The following ERBB4 variants were observed in gnomAD, a reference collection of about 807,000 sequenced individuals.
The protein encoded by ERBB4 is erb-b2 receptor tyrosine kinase 4.
Under a neutral mutation model 158.0 loss-of-function variants are expected in ERBB4, and 42 were observed. The observed-to-expected ratio is 0.27, with a 90% CI of 0.21 to 0.34. ERBB4 has a LOEUF of 0.34. ERBB4 is among the 10% of genes least tolerant of loss of function. ERBB4 has a pLI of 1.00. For synonymous variants in ERBB4, 583 were observed against 558.7 expected (o/e 1.04, Z -0.61); for missense variants, 1,333 against 1,624.1 (o/e 0.82, Z 3.08).
chr2:212,057,032 C>T (rs2077598890), intron 2 of ERBB4, among the ~76,000 whole-genome samples: 1 of 152,072 alleles, frequency 6.6e-6, no homozygotes, highest in African/African-American at 2.4e-5. Flanking sequence ...TTCAGGAGAC[C>T]CATCTCACGT....
At chr2:211,397,047 A>C (rs1434070189) in intron 25 of ERBB4, among the ~76,000 whole-genome samples, 1 of 152,216 alleles carries the variant, frequency 6.6e-6, no homozygotes, top group Non-Finnish European at 1.5e-5. Context: ...CAGAGCAAAC[A>C]CTAGTTACAT....
At chr2:212,347,124 CA>C (rs2089041892) in intron 1 of ERBB4, among the ~76,000 whole-genome samples, 1 of 152,032 alleles carries the variant, frequency 6.6e-6, no homozygotes, top group Non-Finnish European at 1.5e-5. Flanking sequence ...GCAATCTTTC[CA>C]AAACACTTGA....
intron 1 of ERBB4, among the ~76,000 whole-genome samples, chr2:212,331,372 C>T (rs1487796418): frequency 6.6e-6 from 1 of 151,456 alleles, no homozygotes; most frequent in East Asian, 2.0e-4. Flanking sequence ...TGAGGGGAAT[C>T]TCGCAATGTT....
chr2:211,860,046 C>T lies in ERBB4; in HGVS notation c.422-71887G>A, dbSNP rs74663654. Among the ~76,000 whole-genome samples the T allele has an allele frequency of 1.2e-3, 181 of 152,184 alleles. 3 individuals carry two copies. The highest frequency in any genetic ancestry group is 0.011 in the East Asian group (59 of 5,184). ...AAAAACATAAATGGTGGTTATTATA[C>T]GCCAAAACATCTCTTGTCATTCATT... On this transcript the variant is annotated intron_variant, in intron 3 of 27. Transcript: ENST00000342788.
chr2:212,417,904 T>C (rs377504518), intron 1 of ERBB4, among the ~76,000 whole-genome samples: 1 of 151,998 alleles, frequency 6.6e-6, no homozygotes, highest in Admixed American at 6.6e-5. Flanking sequence ...TATTAAGAGA[T>C]GGGGCCTTTT....
chr2:211,439,503 G>A lies in ERBB4; in HGVS notation c.2488-8403C>T, dbSNP rs538865260. ...GTTTTGTGAGTTTCATATATGGCTT[G>A]TAATCTACTGAGTATATTTTTATGT... is the stretch of plus-strand genomic sequence containing the variant. On this transcript the variant is annotated intron_variant, in intron 20 of 27. Transcript: ENST00000342788. Among the ~76,000 whole-genome samples the A allele has an allele frequency of 5.3e-5, 8 of 152,272 alleles. No homozygotes were observed. In the East Asian group the frequency reaches 1.5e-3, roughly 29 times the overall value.
In ERBB4 at chr2:212,286,318, G is replaced by T. The variant is rs2085960334; in HGVS notation, c.83-161415C>A. The stretch of plus-strand genomic sequence containing the variant: ...AAGTGGGCCTACAAGAAACCTTAGT[G>T]ATTCATAATAAGTATATTGAACGAA... On this transcript the variant is annotated intron_variant, in intron 1 of 27. Coordinates refer to ENST00000342788, the MANE Select transcript of ERBB4 (RefSeq NM_005235.3). 2.0e-5 allele frequency among the ~76,000 whole-genome samples: 3 copies of T among 152,070 alleles called. No homozygotes were observed. The South Asian group carries it at 6.2e-4, about 31-fold the overall frequency.
At chr2:211,583,854 G>C (rs1159633809) in intron 19 of ERBB4, among the ~76,000 whole-genome samples, 1 of 150,886 alleles carries the variant, frequency 6.6e-6, no homozygotes, top group Non-Finnish European at 1.5e-5. Context: ...ATTCTTCAAC[G>C]TTCCCCGGAA....
intron 25 of ERBB4, among the ~76,000 whole-genome samples, chr2:211,405,888 A>G (rs540065431): frequency 6.6e-5 from 10 of 152,210 alleles, no homozygotes; most frequent in African/African-American, 2.2e-4. Flanking sequence ...GTTTTCATGT[A>G]TTAATAGTAA....
chr2:211,661,563 C>T (rs2071421775), intron 15 of ERBB4, among the ~76,000 whole-genome samples: 1 of 151,976 alleles, frequency 6.6e-6, no homozygotes, highest in South Asian at 2.1e-4. Context: ...CTCATTTAAC[C>T]AACATAGTTT....
At chr2:211,849,342 C>A (rs1337117627) in intron 3 of ERBB4, among the ~76,000 whole-genome samples, 1 of 151,840 alleles carries the variant, frequency 6.6e-6, no homozygotes, top group Non-Finnish European at 1.5e-5. Flanking sequence ...TTATAAAGTA[C>A]TACAGATTAA....
intron 25 of ERBB4, among the ~76,000 whole-genome samples, chr2:211,404,307 A>G (rs1344514959): frequency 6.6e-6 from 1 of 151,944 alleles, no homozygotes; most frequent in Admixed American, 6.6e-5. Flanking sequence ...GCCTTTGGTG[A>G]TCCTTAGATT....
At chr2:212,196,817 G>C (rs1233810674) in intron 1 of ERBB4, among the ~76,000 whole-genome samples, 2 of 152,092 alleles carry the variant, frequency 1.3e-5, no homozygotes, top group Non-Finnish European at 2.9e-5. Context: ...TGTTGAATAA[G>C]TATGAAGTAT....
At position 211,380,657 on chromosome 2, in the gene ERBB4, ACACT is replaced by A. The variant is rs1051782720; in HGVS notation, c.*2954_*2957del. 3 of 232,082 alleles carry A rather than the reference ACACT, an allele frequency of 1.3e-5. No individual in the cohort carries two copies. Among genetic ancestry groups the A allele is most frequent in the Admixed American group, 5.6e-5 (1 of 17,742 alleles). The allele number at this position is 232,082 out of a possible 1,614,324, so 14.4% of individuals were successfully genotyped here. ...AGGGGGGACAAAAATAAAACAAAAA[ACACT>A]CAAACAACTGAAGTCAATTATATAC... On this transcript the variant is annotated 3_prime_UTR_variant, in exon 28 of 28. Transcript: ENST00000342788.
intron 3 of ERBB4, among the ~76,000 whole-genome samples, chr2:211,908,044 A>G (rs1051670509): frequency 3.6e-5 from 4 of 112,650 alleles, no homozygotes; most frequent in Non-Finnish European, 7.6e-5. Context: ...GGAGCACTGG[A>G]AAAAAAAACA....
intron 2 of ERBB4, among the ~76,000 whole-genome samples, chr2:211,991,397 C>A (rs2082072188): frequency 6.6e-6 from 1 of 151,830 alleles, no homozygotes; most frequent in Non-Finnish European, 1.5e-5. Flanking sequence ...GATGAGGGAC[C>A]TACAAAACAA....
chr2:211,389,495 G>A (rs2062757263), intron 25 of ERBB4, among the ~76,000 whole-genome samples: 1 of 152,052 alleles, frequency 6.6e-6, no homozygotes, highest in Admixed American at 6.5e-5. Flanking sequence ...ACTAATCAAG[G>A]GACATGGTCT....
At chr2:212,380,468 G>GTGTA (rs2090467241) in intron 1 of ERBB4, among the ~76,000 whole-genome samples, 1 of 150,192 alleles carries the variant, frequency 6.7e-6, no homozygotes, top group African/African-American at 2.4e-5. Flanking sequence ...GTGTGTGTGT[G>GTGTA]TGTGTGTGTG....
chr2:212,028,248 T>G (rs1365774377), intron 2 of ERBB4, among the ~76,000 whole-genome samples: 1 of 152,032 alleles, frequency 6.6e-6, no homozygotes, highest in East Asian at 1.9e-4. Flanking sequence ...TTCTTCAATT[T>G]CCAAAACTCC....
Sources: allele counts gnomAD v4.1 joint callset (sites outside exome capture counted in the v4.1 genomes callset), GRCh38; gene constraint gnomAD v4.1.1; transcripts MANE v1.5; gene names NCBI Gene and HGNC (gene_info 2026-07-23, HGNC 2026-07-21).